Variants in ANKRD13A observed in about 807,000 individuals in gnomAD.
ANKRD13A encodes ankyrin repeat domain-containing protein 13A.
A neutral mutation model predicts 81.3 loss-of-function variants in ANKRD13A; 48 were observed. That is an observed-to-expected ratio of 0.59 (90% CI 0.47 to 0.75). The LOEUF is 0.75. ANKRD13A is among the 30% of genes least tolerant of loss of function. The probability of loss-of-function intolerance (pLI) is 0.00; values close to 1 mark genes in which losing one functional copy is unlikely to be tolerated. For missense variants in ANKRD13A, 612 were observed against 734.0 expected (o/e 0.83, Z 1.92); for synonymous variants, 230 against 270.1 (o/e 0.85, Z 1.45).
chr12:110,013,777 A>C (rs1040647107), intron 3 of ANKRD13A, among the ~76,000 whole-genome samples: 1 of 151,854 alleles, frequency 6.6e-6, no homozygotes, highest in African/African-American at 2.4e-5. Context: ...GTGACAGAGC[A>C]AGACCTAAAA....
chr12:109,999,782 C>A lies in ANKRD13A; in HGVS notation c.94C>A (p.Gln32Lys), dbSNP rs757655686. The change falls in exon 1 of 15, where the codon CAG (glutamine) becomes AAG (lysine). Residue 32 changes from glutamine (Q) to lysine (K), a missense_variant and splice_region_variant. Physicochemically the swap from Gln to Lys is moderately conservative, Grantham distance 53. Coordinates refer to ENST00000261739, the MANE Select transcript of ANKRD13A (RefSeq NM_033121.2). The surrounding 1 kb of genome is among the most constrained non-coding windows in gnomAD (Gnocchi z 4.3). ...YRQLEKELQG[Q>K]NVEAVDPRGR... ...GCAGCTCGAGAAGGAGCTGCAGGGC[C>A]AGGTGAGGGGCGGGGCGGGGGTCCG... 32 of 1,532,550 alleles carry A rather than the reference C, an allele frequency of 2.1e-5. No individual in the cohort carries two copies. In the South Asian group the frequency reaches 3.8e-4, roughly 18 times the overall value. The allele number at this position is 1,532,550 out of a possible 1,614,324, so 94.9% of individuals were successfully genotyped here.
Position 110,019,203 on chromosome 12 carries a change from C to T in ANKRD13A, c.609C>T (p.Asp203=), listed in dbSNP as rs1256393844. The part of the protein sequence containing the change: ...DDKVVTTERF[D]LSQEMERLTL... Reference sequence around the variant, plus strand: ...AAGTGGTCACCACCGAACGCTTCGACCTTTCCCAAGAAATGGAGCGCCTCA... The same window carrying T: ...AAGTGGTCACCACCGAACGCTTCGATCTTTCCCAAGAAATGGAGCGCCTCA... Residue 203 remains aspartate, a synonymous_variant, in exon 6 of 15, where the codon GAC becomes GAT. Transcript: ENST00000261739. 1 of 1,614,038 alleles carries T rather than the reference C, an allele frequency of 6.2e-7. No homozygotes were observed. Among genetic ancestry groups the T allele is most frequent in the South Asian group, 1.1e-5 (1 of 91,074 alleles).
chr12:110,026,609 C>T (rs1191526820), intron 8 of ANKRD13A, among the ~76,000 whole-genome samples: 1 of 150,920 alleles, frequency 6.6e-6, no homozygotes. Context: ...TGGCTGAGCA[C>T]GGTGGCTCAC....
Position 110,037,609 on chromosome 12 carries a change from G to A in ANKRD13A, c.*55G>A. 6.4e-7 allele frequency: 1 copy of A among 1,560,050 alleles called. No individual in the cohort carries two copies. The highest frequency in any genetic ancestry group is 1.2e-5 in the South Asian group (1 of 86,340). ...GCAGAGGCTGTGGGCTGTCACAGAT[G>A]CTGTGTCAACCAGGGCCCTAGGGCT... On this transcript the variant is annotated 3_prime_UTR_variant, in exon 15 of 15. Transcript: ENST00000261739.
chr12:110,037,440 C>T lies in ANKRD13A; in HGVS notation c.1659C>T (p.Asp553=), dbSNP rs954691254. 1.1e-5 allele frequency: 17 copies of T among 1,614,106 alleles called. No homozygotes were observed. Among genetic ancestry groups the T allele is most frequent in the Non-Finnish European group, 1.4e-5 (17 of 1,180,050 alleles). Residue 553 remains aspartate (D), a synonymous_variant, in exon 15 of 15, where the codon GAC becomes GAT. Transcript: ENST00000261739. ...ALSETSRFDN[D]LQLAMELSAK... ...GCGAGACAAGCCGTTTTGATAATGACTTGCAGCTAGCCATGGAGCTCTCTG... is the reference window on the plus strand; with the variant it reads ...GCGAGACAAGCCGTTTTGATAATGATTTGCAGCTAGCCATGGAGCTCTCTG...
chr12:110,005,299 G>A (rs1315595396), intron 1 of ANKRD13A, among the ~76,000 whole-genome samples: 1 of 152,030 alleles, frequency 6.6e-6, no homozygotes, highest in Non-Finnish European at 1.5e-5. Context: ...GCACTACCAC[G>A]CTTGGCTAAT....
At chr12:110,017,789 G>A (rs892805266) in intron 4 of ANKRD13A, among the ~76,000 whole-genome samples, 4 of 152,048 alleles carry the variant, frequency 2.6e-5, no homozygotes, top group African/African-American at 7.2e-5. Flanking sequence ...AAAATTAGCC[G>A]GGCATGATGG....
chr12:110,016,276 TTC>T (rs1890799005), intron 3 of ANKRD13A, 110 bp from the exon 4 acceptor site: 3 of 828,664 alleles, frequency 3.6e-6, no homozygotes, highest in Non-Finnish European at 5.3e-6. Flanking sequence ...TCTTCTTATT[TTC>T]TCTTTTTTTT....
chr12:110,030,888 A>G (rs1007209759), intron 12 of ANKRD13A, 130 bp downstream of exon 12: 24 of 379,328 alleles, frequency 6.3e-5, no homozygotes, highest in African/African-American at 3.8e-4. Context: ...TGAGGTCGGG[A>G]GTTTGAGACC....
At chr12:110,017,744 C>A (rs1890864947) in intron 4 of ANKRD13A, among the ~76,000 whole-genome samples, 1 of 151,980 alleles carries the variant, frequency 6.6e-6, no homozygotes, top group African/African-American at 2.4e-5. Context: ...ACCAGCCTGG[C>A]CAACATGGTG....
chr12:109,999,543 C>A lies in ANKRD13A; in HGVS notation c.-146C>A. 2 of 509,446 alleles carry A rather than the reference C, an allele frequency of 3.9e-6. No individual in the cohort carries two copies. Among genetic ancestry groups the A allele is most frequent in the Middle Eastern group, 1.2e-3 (2 of 1,724 alleles). 31.6% of individuals were successfully genotyped at this position (509,446 alleles called of 1,614,324 possible). A position where few individuals can be genotyped will look rare whatever the true frequency, so the allele number is the denominator to read the frequency against. ...GACCCCGGACCTCCCGCGCGCCCCG[C>A]ACCCGACCGGCTCAGCCGGCCGGCA... On this transcript the variant is annotated 5_prime_UTR_variant, in exon 1 of 15. Transcript: ENST00000261739. This position sits in a 1 kb window ranked among gnomAD's most constrained non-coding sequence, Gnocchi z 4.3.
At position 109,999,667 on chromosome 12, in the gene ANKRD13A, A is replaced by G; in HGVS notation, c.-22A>G. 1 of 1,510,252 alleles carries G rather than the reference A, an allele frequency of 6.6e-7. No individual in the cohort carries two copies. 93.6% of individuals were successfully genotyped at this position (1,510,252 alleles called of 1,614,324 possible). A position where few individuals can be genotyped will look rare whatever the true frequency, so the allele number is the denominator to read the frequency against. On this transcript the variant is annotated 5_prime_UTR_variant, in exon 1 of 15. Transcript: ENST00000261739. The surrounding 1 kb of genome is among the most constrained non-coding windows in gnomAD (Gnocchi z 4.3). ...CCGAGACTTGGGGCGGGCGACGAGG[A>G]CCAGGTTACGGCCTCCTCGCCATGT... is the stretch of plus-strand genomic sequence containing the variant.
rs539405828 is a variant in ANKRD13A at position 110,039,073 on chromosome 12, T to G, written c.*1519T>G. 1.3e-5 allele frequency: 2 copies of G among 152,250 alleles called. No homozygotes were observed. The highest frequency in any genetic ancestry group is 6.5e-5 in the Admixed American group (1 of 15,304). The allele number at this position is 152,250 out of a possible 1,614,324, so 9.4% of individuals were successfully genotyped here. On this transcript the variant is annotated 3_prime_UTR_variant, in exon 15 of 15. Transcript: ENST00000261739. ...TCCATTTCACAATCTGTTTTGTTTT[T>G]TTTTTTTGTCATTGTCTGACCAAAA...
chr12:110,019,500 C>T (rs1182003407), intron 6 of ANKRD13A, among the ~76,000 whole-genome samples, 172 bp downstream of exon 6: 3 of 152,112 alleles, frequency 2.0e-5, no homozygotes, highest in Non-Finnish European at 2.9e-5. Context: ...AGCTGACACT[C>T]GACACCATCC....
chr12:110,030,527 G>A (rs776887986), intron 11 of ANKRD13A, 118 bp from the exon 12 acceptor site: 23 of 502,228 alleles, frequency 4.6e-5, no homozygotes, highest in Non-Finnish European at 7.7e-5. Flanking sequence ...GTTGTTATGA[G>A]GCTTAAATAA....
Position 110,037,628 on chromosome 12 carries a change from T to C in ANKRD13A, c.*74T>C. On this transcript the variant is annotated 3_prime_UTR_variant, in exon 15 of 15. Coordinates refer to ENST00000261739, the MANE Select transcript of ANKRD13A (RefSeq NM_033121.2). ...ACAGATGCTGTGTCAACCAGGGCCCTAGGGCTAAGGGCCTGCACCTTGCGT... is the reference window on the plus strand; with the variant it reads ...ACAGATGCTGTGTCAACCAGGGCCCCAGGGCTAAGGGCCTGCACCTTGCGT... 1 of 1,306,848 alleles carries C rather than the reference T, an allele frequency of 7.7e-7. No individual in the cohort carries two copies. The highest frequency in any genetic ancestry group is 1.1e-6 in the Non-Finnish European group (1 of 937,468). The allele number at this position is 1,306,848 out of a possible 1,614,324, so 81.0% of individuals were successfully genotyped here.
chr12:110,028,145 C>T (rs1287317815), intron 9 of ANKRD13A: 8 of 304,064 alleles, frequency 2.6e-5, no homozygotes, highest in South Asian at 1.5e-4. Context: ...GATGTCCCTG[C>T]GGGTCAGAAA....
Position 110,009,239 on chromosome 12 carries a change from G to A in ANKRD13A, c.97-2766G>A, listed in dbSNP as rs551937855. ...TGGGGCTACAGGCATGTGCCACCACGCGCGGCTAATTTTGTATTTTTAGTA... is the reference window on the plus strand; with the variant it reads ...TGGGGCTACAGGCATGTGCCACCACACGCGGCTAATTTTGTATTTTTAGTA... On this transcript the variant is annotated intron_variant, in intron 1 of 14. Transcript: ENST00000261739. Among the ~76,000 whole-genome samples the A allele has an allele frequency of 1.1e-4, 17 of 152,076 alleles. No individual in the cohort carries two copies. The South Asian group carries it at 2.7e-3, about 24-fold the overall frequency.
At chr12:110,024,973 T>C (rs896827947) in intron 7 of ANKRD13A, among the ~76,000 whole-genome samples, 1 of 152,258 alleles carries the variant, frequency 6.6e-6, no homozygotes, top group Non-Finnish European at 1.5e-5. Context: ...TGGTTTTCTC[T>C]ACAGCTCATA....
Sources: allele counts gnomAD v4.1 joint callset (sites outside exome capture counted in the v4.1 genomes callset), GRCh38; gene constraint gnomAD v4.1.1; non-coding constraint Gnocchi (gnomAD v3.1); transcripts MANE v1.5; gene names NCBI Gene and HGNC (gene_info 2026-07-23, HGNC 2026-07-21).